The following MINK1 variants were observed in gnomAD, a reference collection of about 807,000 sequenced individuals.
MINK1 encodes the protein misshapen-like kinase 1.
In MINK1, 46 loss-of-function variants were observed where a neutral mutation model predicts 178.4. The observed-to-expected ratio is 0.26, with a 90% CI of 0.20 to 0.33. The LOEUF (loss-of-function observed/expected upper bound fraction) is 0.33, where lower values mean the gene tolerates loss of function less well. Ranked by LOEUF, MINK1 falls within the 10% of genes least tolerant of loss-of-function variation. The pLI, the probability that MINK1 is intolerant of heterozygous loss-of-function variation, is 1.00. For synonymous variants in MINK1, 797 were observed against 709.7 expected (o/e 1.12, Z -1.96); for missense variants, 1,366 against 1,814.9 (o/e 0.75, Z 4.49).
Position 4,887,357 on chromosome 17 carries a change from G to T in MINK1, c.1019+178G>T, listed in dbSNP as rs1271383314. Among the ~76,000 whole-genome samples, 2 of 152,190 alleles carry T rather than the reference G, an allele frequency of 1.3e-5. No homozygotes were observed. Among genetic ancestry groups the T allele is most frequent in the Non-Finnish European group, 2.9e-5 (2 of 68,046 alleles). ...AACCAATGACTGAGCAAGAGCTGGG[G>T]AGAGAGCAATTTGTGGTGAATGTGG... On this transcript the variant is annotated intron_variant, in intron 11 of 31. Coordinates refer to ENST00000355280, the MANE Select transcript of MINK1 (RefSeq NM_153827.5). This position sits in a 1 kb window ranked among gnomAD's most constrained non-coding sequence, Gnocchi z 7.6.
At chr17:4,847,106 A>G in intron 1 of MINK1, 1 of 457,830 alleles carries the variant, frequency 2.2e-6, no homozygotes, top group African/African-American at 2.0e-5. Flanking sequence ...GCCTATCTCT[A>G]AAGAGCTGTC....
intron 1 of MINK1, among the ~76,000 whole-genome samples, chr17:4,866,075 C>T (rs1419884019): frequency 1.3e-5 from 2 of 152,166 alleles, no homozygotes; most frequent in Non-Finnish European, 2.9e-5. Context: ...CTGTTCTATT[C>T]CCCAGCCTAG....
intron 1 of MINK1, among the ~76,000 whole-genome samples, chr17:4,841,662 G>C (rs1268329626): frequency 6.6e-6 from 1 of 152,074 alleles, no homozygotes; most frequent in Non-Finnish European, 1.5e-5. Context: ...CTTATGTGTA[G>C]AGACTGTGAT....
intron 1 of MINK1, chr17:4,856,749 G>C (rs1375756618): frequency 1.3e-5 from 2 of 153,514 alleles, no homozygotes; most frequent in Non-Finnish European, 2.9e-5. Flanking sequence ...GATGGGTGAT[G>C]AGTAGGTTCA....
At chr17:4,862,331 T>C (rs1421106867) in intron 1 of MINK1, among the ~76,000 whole-genome samples, 2 of 152,172 alleles carry the variant, frequency 1.3e-5, no homozygotes, top group Non-Finnish European at 2.9e-5. Flanking sequence ...TAATAATATC[T>C]ACCTCATGGA....
At position 4,886,056 on chromosome 17, in the gene MINK1, C is replaced by T. The variant is rs572266566; in HGVS notation, c.695-64C>T. The T allele has an allele frequency of 1.9e-5, 31 of 1,609,652 alleles. 1 individual carries two copies. The South Asian group carries it at 2.4e-4, about 13-fold the overall frequency. The stretch of plus-strand genomic sequence containing the variant: ...GAGGAGGTGGGTCCTGGGACCCTGC[C>T]GAGGAAGGGTCCTGTAGCTCCCAGT... On this transcript the variant is annotated intron_variant, in intron 8 of 31. Transcript: ENST00000355280. The surrounding 1 kb of genome is among the most constrained non-coding windows in gnomAD (Gnocchi z 6.1).
At chr17:4,868,823 G>A in intron 1 of MINK1, 1 of 339,078 alleles carries the variant, frequency 2.9e-6, no homozygotes. Flanking sequence ...ATGGCTTACT[G>A]CATGCAGCCT....
intron 2 of MINK1, among the ~76,000 whole-genome samples, chr17:4,879,907 C>T (rs1185588465): frequency 2.0e-5 from 3 of 152,146 alleles, no homozygotes; most frequent in Admixed American, 2.0e-4. Context: ...GGCCTCCTGT[C>T]CAGAGTTGGT....
At chr17:4,855,557 C>T (rs1205605422) in intron 1 of MINK1, among the ~76,000 whole-genome samples, 3 of 143,282 alleles carry the variant, frequency 2.1e-5, no homozygotes, top group South Asian at 2.2e-4. Context: ...CCGAGGCGGG[C>T]GGATCATGAG....
Position 4,896,398 on chromosome 17 carries a change from CG to C in MINK1, c.3616-29del. ...GATGGCCCAGTCTGGGCACCAGACA[CG>C]GAGACTCTAGTCCCCCTCCTTCTCC... On this transcript the variant is annotated intron_variant, in intron 29 of 31. Transcript: ENST00000355280. This position sits in a 1 kb window ranked among gnomAD's most constrained non-coding sequence, Gnocchi z 4.6. The C allele has an allele frequency of 1.2e-6, 2 of 1,610,778 alleles. No individual in the cohort carries two copies. Among genetic ancestry groups the C allele is most frequent in the Non-Finnish European group, 1.7e-6 (2 of 1,177,910 alleles).
chr17:4,889,824 C>G (rs1045781806), intron 13 of MINK1, 61 bp downstream of exon 13: 2 of 1,284,548 alleles, frequency 1.6e-6, no homozygotes, highest in Non-Finnish European at 2.1e-6. Flanking sequence ...CCTGCCGCCC[C>G]TGCTCCCCGT....
chr17:4,834,840 A>G (rs748341412), intron 1 of MINK1: 1 of 520,066 alleles, frequency 1.9e-6, no homozygotes, highest in South Asian at 1.4e-5. Flanking sequence ...GCCAGGGAAC[A>G]TGGCCAGTAG....
intron 1 of MINK1, among the ~76,000 whole-genome samples, chr17:4,866,328 G>A (rs1454005773): frequency 1.3e-5 from 2 of 152,084 alleles, no homozygotes; most frequent in East Asian, 1.9e-4. Context: ...TTAGCTGGGC[G>A]TGGTGGGGTG....
Position 4,893,596 on chromosome 17 carries a change from C to A in MINK1, c.2563C>A (p.Arg855Ser), listed in dbSNP as rs200443085. Reference protein sequence around the residue: ...AEGSRDTPGGRSDGDTDSVST... With the variant: ...AEGSRDTPGGSSDGDTDSVST... ...GGGGAGCAGAGATACCCCTGGGGGC[C>A]GGTACGGCATCGGGAGTGGGGCCCT... is the stretch of plus-strand genomic sequence containing the variant. Residue 855 changes from arginine (R) to serine (S), a missense_variant and splice_region_variant, in exon 21 of 32, where the codon CGC (arginine) becomes AGC (serine). Coordinates refer to ENST00000355280, the MANE Select transcript of MINK1 (RefSeq NM_153827.5). 1.3e-6 allele frequency: 2 copies of A among 1,531,890 alleles called. No homozygotes were observed. The highest frequency in any genetic ancestry group is 2.1e-5 in the Admixed American group (1 of 48,660). 94.9% of individuals were successfully genotyped at this position (1,531,890 alleles called of 1,614,324 possible).
rs185801901 is a variant in MINK1 at position 4,868,431 on chromosome 17, T to C, written c.58-9886T>C. The stretch of plus-strand genomic sequence containing the variant: ...TCTTCATCCCCCTGCCCTTCACAGC[T>C]TCTGGCAACCCCCGTTCTACTCTCC... On this transcript the variant is annotated intron_variant, in intron 1 of 31. Coordinates refer to ENST00000355280, the MANE Select transcript of MINK1 (RefSeq NM_153827.5). Among the ~76,000 whole-genome samples, 639 of 152,270 alleles carry C rather than the reference T, an allele frequency of 4.2e-3. 2 individuals carry two copies. Among genetic ancestry groups the C allele is most frequent in the Non-Finnish European group, 7.3e-3 (498 of 68,012 alleles).
rs1428101455 is a variant in MINK1 at position 4,836,832 on chromosome 17, T to C, written c.57+3192T>C. On this transcript the variant is annotated intron_variant, in intron 1 of 31. Coordinates refer to ENST00000355280, the MANE Select transcript of MINK1 (RefSeq NM_153827.5). This position sits in a 1 kb window ranked among gnomAD's most constrained non-coding sequence, Gnocchi z 4.3. ...TTCCCTTAGTCTGCTTTATCCTTCC[T>C]CATAGTATTTATCACCAGCTGACAT... is the stretch of plus-strand genomic sequence containing the variant. Among the ~76,000 whole-genome samples, 1 of 152,124 alleles carries C rather than the reference T, an allele frequency of 6.6e-6. No individual in the cohort carries two copies. The highest frequency in any genetic ancestry group is 1.9e-4 in the East Asian group (1 of 5,200).
In MINK1 at chr17:4,891,426, C is replaced by T. The variant is rs200238476; in HGVS notation, c.1741-30C>T. 8.9e-5 allele frequency: 136 copies of T among 1,525,360 alleles called. No homozygotes were observed. The African/African-American group carries it at 1.8e-3, about 20-fold the overall frequency. 94.5% of individuals were successfully genotyped at this position (1,525,360 alleles called of 1,614,324 possible). A position where few individuals can be genotyped will look rare whatever the true frequency, so the allele number is the denominator to read the frequency against. Reference sequence around the variant, plus strand: ...AGGTGGGGATGTGCCATGGAGCAGGCAGCCCACCCTCCCTGGTCTCTCCCT... The same window carrying T: ...AGGTGGGGATGTGCCATGGAGCAGGTAGCCCACCCTCCCTGGTCTCTCCCT... On this transcript the variant is annotated intron_variant, in intron 15 of 31. Coordinates refer to ENST00000355280, the MANE Select transcript of MINK1 (RefSeq NM_153827.5).
At chr17:4,884,828 C>T (rs942027665) in intron 5 of MINK1, 84 bp from the exon 6 acceptor site, 2 of 1,206,552 alleles carry the variant, frequency 1.7e-6, no homozygotes, top group Non-Finnish European at 1.2e-6. Context: ...ACTGACTGCT[C>T]CTTGTCCCCT....
intron 1 of MINK1, among the ~76,000 whole-genome samples, chr17:4,842,010 A>G (rs1302743383): frequency 6.6e-6 from 1 of 152,114 alleles, no homozygotes; most frequent in Non-Finnish European, 1.5e-5. Context: ...TCACGAGGTC[A>G]GGAGATCGAG....
Sources: allele counts gnomAD v4.1 joint callset (sites outside exome capture counted in the v4.1 genomes callset), GRCh38; gene constraint gnomAD v4.1.1; non-coding constraint Gnocchi (gnomAD v3.1); transcripts MANE v1.5; gene names NCBI Gene and HGNC (gene_info 2026-07-23, HGNC 2026-07-21).